The following CLSTN2 variants were observed in gnomAD, a reference collection of about 807,000 sequenced individuals.
CLSTN2 encodes the protein calsyntenin-2.
Under a neutral mutation model 101.2 loss-of-function variants are expected in CLSTN2, and 48 were observed. That is an observed-to-expected ratio of 0.47 (90% confidence interval 0.38 to 0.60). CLSTN2 has a LOEUF of 0.60. Among genes scored for constraint, CLSTN2 ranks in the 20% least tolerant of loss-of-function variants. The pLI, the probability that CLSTN2 is intolerant of heterozygous loss-of-function variation, is 0.00. For missense variants in CLSTN2, 1,160 were observed against 1,238.2 expected (o/e 0.94, Z 0.95); for synonymous variants, 481 against 463.6 (o/e 1.04, Z -0.48).
chr3:140,558,738 A>C lies in CLSTN2; in HGVS notation c.1922A>C (p.Asp641Ala). The C allele has an allele frequency of 1.2e-6, 2 of 1,614,080 alleles. No individual in the cohort carries two copies. The highest frequency in any genetic ancestry group is 1.7e-6 in the Non-Finnish European group (2 of 1,180,004). Residue 641 changes from aspartate to alanine, a missense_variant, in exon 12 of 17, where the codon GAC becomes GCC. Coordinates refer to ENST00000458420, the MANE Select transcript of CLSTN2 (RefSeq NM_022131.3). ...CCCCGGATCACCCTCCGGGGCACAG[A>C]CCACTTCTGGAGACCTGCTGCCCAG... Reference protein sequence around the residue: ...IEPRITLRGTDHFWRPAAQFE... With the variant: ...IEPRITLRGTAHFWRPAAQFE...
chr3:140,546,717 G>A (rs917898962), intron 10 of CLSTN2, 36 bp downstream of exon 10: 1 of 1,563,188 alleles, frequency 6.4e-7, no homozygotes, highest in South Asian at 1.2e-5. Flanking sequence ...CAATAAGACA[G>A]GGATTCATGA....
intron 2 of CLSTN2, among the ~76,000 whole-genome samples, chr3:140,218,708 C>G (rs934237663): frequency 1.3e-5 from 2 of 152,164 alleles, no homozygotes; most frequent in African/African-American, 4.8e-5. Context: ...AAGAAGCTTT[C>G]AAGATAGATG....
At chr3:140,477,282 A>G (rs1188390127) in intron 8 of CLSTN2, among the ~76,000 whole-genome samples, 1 of 152,210 alleles carries the variant, frequency 6.6e-6, no homozygotes, top group Non-Finnish European at 1.5e-5. Flanking sequence ...AACCTCCTTC[A>G]TCACCTTGAC....
At chr3:140,510,949 C>T (rs937884661) in intron 8 of CLSTN2, among the ~76,000 whole-genome samples, 2 of 152,138 alleles carry the variant, frequency 1.3e-5, no homozygotes, top group African/African-American at 4.8e-5. Context: ...ACAGATCATC[C>T]CATCACCTAG....
At chr3:140,140,722 T>A (rs569886398) in intron 1 of CLSTN2, among the ~76,000 whole-genome samples, 1 of 152,338 alleles carries the variant, frequency 6.6e-6, no homozygotes, top group Non-Finnish European at 1.5e-5. Context: ...ATTTTCCTCT[T>A]CTGCAAAGTA....
At chr3:140,413,722 G>A (rs1365861558) in intron 4 of CLSTN2, among the ~76,000 whole-genome samples, 1 of 152,100 alleles carries the variant, frequency 6.6e-6, no homozygotes, top group African/African-American at 2.4e-5. Context: ...GTGGGACTTA[G>A]CCCTGGGATG....
chr3:140,203,125 T>C (rs939686334), intron 2 of CLSTN2, among the ~76,000 whole-genome samples: 2 of 152,172 alleles, frequency 1.3e-5, no homozygotes, highest in Non-Finnish European at 2.9e-5. Context: ...CCTTTATTAT[T>C]TTAAGCCACT....
At chr3:140,068,643 T>C (rs1037871712) in intron 1 of CLSTN2, among the ~76,000 whole-genome samples, 1 of 152,246 alleles carries the variant, frequency 6.6e-6, no homozygotes, top group Admixed American at 6.5e-5. Context: ...CCTGACAAGA[T>C]GACCAATTCC....
At chr3:140,012,413 G>A (rs2007097459) in intron 1 of CLSTN2, among the ~76,000 whole-genome samples, 2 of 152,172 alleles carry the variant, frequency 1.3e-5, no homozygotes, top group Admixed American at 6.5e-5. Flanking sequence ...TCCAGAGCTT[G>A]GTGGCGATGC....
At chr3:140,406,975 A>G (rs1455179923) in intron 4 of CLSTN2, among the ~76,000 whole-genome samples, 2 of 152,238 alleles carry the variant, frequency 1.3e-5, no homozygotes, top group Non-Finnish European at 1.5e-5. Flanking sequence ...CTGTCTCATT[A>G]AAAGTGAGTA....
At chr3:140,226,830 A>G (rs371633547) in intron 2 of CLSTN2, among the ~76,000 whole-genome samples, 6 of 152,174 alleles carry the variant, frequency 3.9e-5, no homozygotes, top group Non-Finnish European at 5.9e-5. Flanking sequence ...ATGGCAGCAA[A>G]GGGAGAGTTT....
At chr3:140,194,678 C>T (rs1007525995) in intron 2 of CLSTN2, among the ~76,000 whole-genome samples, 16 of 152,162 alleles carry the variant, frequency 1.1e-4, no homozygotes, top group African/African-American at 3.6e-4. Flanking sequence ...GCAATGGGGG[C>T]ATCACCTCCT....
At chr3:140,535,684 T>G (rs73867201) in intron 9 of CLSTN2, among the ~76,000 whole-genome samples, 14,523 of 152,172 alleles carry the variant, frequency 0.095, 2,285 homozygotes, top group African/African-American at 0.33. Flanking sequence ...GGAGGCCCTT[T>G]ATACACATGG....
chr3:140,529,895 T>A (rs539706000), intron 8 of CLSTN2, among the ~76,000 whole-genome samples: 2 of 152,224 alleles, frequency 1.3e-5, no homozygotes, highest in Non-Finnish European at 2.9e-5. Context: ...GTCCCTTTTA[T>A]AGTAACAGGA....
intron 5 of CLSTN2, among the ~76,000 whole-genome samples, chr3:140,422,375 G>T (rs2088516237): frequency 6.6e-6 from 1 of 151,996 alleles, no homozygotes; most frequent in Non-Finnish European, 1.5e-5. Flanking sequence ...AATTCATCAG[G>T]GTCAGATTGG....
intron 2 of CLSTN2, among the ~76,000 whole-genome samples, chr3:140,181,128 C>A (rs866153740): frequency 6.6e-6 from 1 of 152,226 alleles, no homozygotes; most frequent in African/African-American, 2.4e-5. Flanking sequence ...CTGCCACTTA[C>A]TAGCTGTATG....
chr3:140,560,751 G>A (rs904978277), intron 12 of CLSTN2, among the ~76,000 whole-genome samples: 1 of 152,118 alleles, frequency 6.6e-6, no homozygotes, highest in Non-Finnish European at 1.5e-5. Flanking sequence ...ACCTCAGGGA[G>A]CTCTCAGTCA....
chr3:139,967,508 T>C (rs1007404647), intron 1 of CLSTN2, among the ~76,000 whole-genome samples: 11 of 152,096 alleles, frequency 7.2e-5, no homozygotes, highest in Non-Finnish European at 1.6e-4. Context: ...CCTATGTTCA[T>C]CCTTCAGCAA....
intron 1 of CLSTN2, among the ~76,000 whole-genome samples, chr3:140,086,566 T>C (rs2008686358): frequency 2.0e-5 from 3 of 152,202 alleles, no homozygotes; most frequent in Admixed American, 2.0e-4. Flanking sequence ...CAAATACATA[T>C]CCGTGACCTT....
Sources: gnomAD v4.1 joint callset for allele counts (sites outside exome capture counted in the v4.1 genomes callset) on GRCh38, gnomAD v4.1.1 for gene constraint, MANE v1.5 for transcripts, NCBI Gene and HGNC (gene_info 2026-07-23, HGNC 2026-07-21) for gene names.